TNR: variants seen among roughly 807,000 people sequenced by gnomAD.
The protein encoded by TNR is tenascin R.
In TNR, 45 loss-of-function variants were observed where a neutral mutation model predicts 150.4. The observed-to-expected ratio is 0.30, with a 90% CI of 0.24 to 0.38. The LOEUF (loss-of-function observed/expected upper bound fraction) is 0.38. TNR is among the 10% of genes least tolerant of loss of function. TNR has a pLI of 1.00. For synonymous variants in TNR, 687 were observed against 678.4 expected (o/e 1.01, Z -0.20); for missense variants, 1,544 against 1,759.1 (o/e 0.88, Z 2.19).
chr1:175,328,836 G>GT (rs1649558505), intron 21 of TNR, among the ~76,000 whole-genome samples: 1 of 152,234 alleles, frequency 6.6e-6, no homozygotes, highest in South Asian at 2.1e-4. Flanking sequence ...CTGTAGGGAA[G>GT]TTGGAGGGCT....
At chr1:175,383,121 T>C (rs1442758644) in intron 8 of TNR, among the ~76,000 whole-genome samples, 1 of 152,140 alleles carries the variant, frequency 6.6e-6, no homozygotes, top group African/African-American at 2.4e-5. Flanking sequence ...TGTGGGCATG[T>C]CTGTCTCTGT....
At chr1:175,386,923 C>A (rs7519749) in intron 7 of TNR, among the ~76,000 whole-genome samples, 1 of 152,212 alleles carries the variant, frequency 6.6e-6, no homozygotes, top group Non-Finnish European at 1.5e-5. Context: ...AAAAAGGACC[C>A]CAGCTTCGGA....
intron 1 of TNR, among the ~76,000 whole-genome samples, chr1:175,607,356 A>G (rs1015081942): frequency 7.2e-5 from 11 of 152,184 alleles, no homozygotes; most frequent in East Asian, 1.9e-4. Flanking sequence ...CCTGCTAAGC[A>G]TTTGTGCAAC....
intron 18 of TNR, among the ~76,000 whole-genome samples, chr1:175,338,276 G>A (rs1330619381): frequency 6.6e-6 from 1 of 152,228 alleles, no homozygotes; most frequent in Non-Finnish European, 1.5e-5. Context: ...AAGTAGCCAT[G>A]TTTTACAGTT....
At chr1:175,545,890 A>T (rs1286778356) in intron 1 of TNR, among the ~76,000 whole-genome samples, 1 of 152,200 alleles carries the variant, frequency 6.6e-6, no homozygotes, top group African/African-American at 2.4e-5. Flanking sequence ...TGGGAAGAGG[A>T]TATGCCAGAG....
At chr1:175,730,125 T>C (rs1051900815) in intron 1 of TNR, among the ~76,000 whole-genome samples, 2 of 152,122 alleles carry the variant, frequency 1.3e-5, no homozygotes, top group Non-Finnish European at 2.9e-5. Context: ...CACTACCGCC[T>C]GCATGAAGGC....
intron 1 of TNR, chr1:175,556,801 G>T (rs1661176963): frequency 6.6e-6 from 1 of 152,452 alleles, no homozygotes. Context: ...CTCAGAAATG[G>T]TCCCCATGAT....
At chr1:175,706,250 C>T (rs1666839770) in intron 1 of TNR, among the ~76,000 whole-genome samples, 1 of 152,078 alleles carries the variant, frequency 6.6e-6, no homozygotes, top group Non-Finnish European at 1.5e-5. Context: ...AATTAAGCAC[C>T]AAATATCAGA....
At chr1:175,494,360 C>T (rs1658389172) in intron 2 of TNR, among the ~76,000 whole-genome samples, 1 of 152,248 alleles carries the variant, frequency 6.6e-6, no homozygotes, top group African/African-American at 2.4e-5. Flanking sequence ...GTCCCCGGCA[C>T]CAGCTCCTGG....
At position 175,379,445 on chromosome 1, in the gene TNR, A is replaced by C. The variant is rs1286672727; in HGVS notation, c.1963+107T>G. 6 of 957,264 alleles carry C rather than the reference A, an allele frequency of 6.3e-6. No homozygotes were observed. The Admixed American group carries it at 1.4e-4, about 22-fold the overall frequency. The allele number at this position is 957,264 out of a possible 1,614,324, so 59.3% of individuals were successfully genotyped here. ...ATGTGCTAGGCACTTAAGAGATGAGATCAATAGGAATTGGCCATGGGTTTG... is the reference window on the plus strand; with the variant it reads ...ATGTGCTAGGCACTTAAGAGATGAGCTCAATAGGAATTGGCCATGGGTTTG... On this transcript the variant is annotated intron_variant, in intron 9 of 22. Coordinates refer to ENST00000367674, the MANE Select transcript of TNR (RefSeq NM_003285.3).
At chr1:175,573,765 C>A (rs1311121056) in intron 1 of TNR, among the ~76,000 whole-genome samples, 1 of 152,138 alleles carries the variant, frequency 6.6e-6, no homozygotes, top group Non-Finnish European at 1.5e-5. Context: ...GCTGGCAATG[C>A]ATACTCCTGG....
chr1:175,629,820 T>G (rs190040382), intron 1 of TNR, among the ~76,000 whole-genome samples: 73 of 152,344 alleles, frequency 4.8e-4, no homozygotes, highest in Middle Eastern at 6.8e-3. Flanking sequence ...TGGATTGTTC[T>G]TAAAGAGCTA....
intron 1 of TNR, among the ~76,000 whole-genome samples, chr1:175,572,228 C>T (rs1661902983): frequency 1.3e-5 from 2 of 152,140 alleles, no homozygotes; most frequent in Admixed American, 1.3e-4. Flanking sequence ...AAAGAGTAGC[C>T]ACTGCCATTT....
intron 2 of TNR, among the ~76,000 whole-genome samples, chr1:175,527,870 G>T (rs1449966474): frequency 1.3e-5 from 2 of 152,126 alleles, no homozygotes; most frequent in African/African-American, 4.8e-5. Context: ...ACTTTATTAG[G>T]GGTTTTGGAA....
chr1:175,547,972 G>A (rs1253626251), intron 1 of TNR, among the ~76,000 whole-genome samples: 1 of 152,186 alleles, frequency 6.6e-6, no homozygotes, highest in Non-Finnish European at 1.5e-5. Flanking sequence ...ATTAAATTTG[G>A]GTTGTAGAAA....
chr1:175,615,846 C>T (rs762706422), intron 1 of TNR, among the ~76,000 whole-genome samples: 1 of 152,204 alleles, frequency 6.6e-6, no homozygotes, highest in Admixed American at 6.5e-5. Context: ...CCCACATCCA[C>T]ATATATTTAG....
At chr1:175,573,051 T>A (rs1051575610) in intron 1 of TNR, among the ~76,000 whole-genome samples, 2 of 152,158 alleles carry the variant, frequency 1.3e-5, no homozygotes, top group Non-Finnish European at 1.5e-5. Context: ...GCATTATATA[T>A]CATCTTGTTT....
At chr1:175,606,159 G>A (rs1427911537) in intron 1 of TNR, among the ~76,000 whole-genome samples, 1 of 152,182 alleles carries the variant, frequency 6.6e-6, no homozygotes, top group Non-Finnish European at 1.5e-5. Context: ...ATTCAGACCT[G>A]TCATCTTCTG....
chr1:175,617,414 G>A (rs969709883), intron 1 of TNR, among the ~76,000 whole-genome samples: 1 of 152,230 alleles, frequency 6.6e-6, no homozygotes, highest in Non-Finnish European at 1.5e-5. Flanking sequence ...GCACCAGGAG[G>A]TCTGGGAGCT....
Sources: gnomAD v4.1 joint callset for allele counts (sites outside exome capture counted in the v4.1 genomes callset) on GRCh38, gnomAD v4.1.1 for gene constraint, MANE v1.5 for transcripts, NCBI Gene and HGNC (gene_info 2026-07-23, HGNC 2026-07-21) for gene names.